Variants in MNAT1 observed in about 807,000 individuals in gnomAD.
The protein encoded by MNAT1 is CDK-activating kinase assembly factor MAT1.
MNAT1 carries 43 observed loss-of-function variants against 42.0 expected under a neutral mutation model. The observed-to-expected ratio is 1.02, with a 90% CI of 0.80 to 1.32. The LOEUF (loss-of-function observed/expected upper bound fraction) is 1.32, where lower values mean the gene tolerates loss of function less well. Ranked by LOEUF, MNAT1 falls within the 40% of genes most tolerant of loss-of-function variation. The pLI is 0.00. For synonymous variants in MNAT1, 118 were observed against 120.0 expected (o/e 0.98, Z 0.11); for missense variants, 306 against 350.4 (o/e 0.87, Z 1.01).
chr14:60,836,922 T>C (rs1164867536), intron 6 of MNAT1, among the ~76,000 whole-genome samples: 1 of 152,184 alleles, frequency 6.6e-6, no homozygotes, highest in Non-Finnish European at 1.5e-5. Flanking sequence ...TGCCTTTCTT[T>C]CAGAGATACC....
At chr14:60,960,415 A>G (rs1384184434) in intron 7 of MNAT1, among the ~76,000 whole-genome samples, 1 of 152,190 alleles carries the variant, frequency 6.6e-6, no homozygotes, top group Non-Finnish European at 1.5e-5. Flanking sequence ...TTAAATATTA[A>G]CATTTATTTT....
At chr14:60,940,080 G>C (rs772360693) in intron 7 of MNAT1, among the ~76,000 whole-genome samples, 7 of 152,052 alleles carry the variant, frequency 4.6e-5, no homozygotes, top group Non-Finnish European at 8.8e-5. Flanking sequence ...TTTTCCATTT[G>C]TTTGGTAGAT....
rs201950562 is a variant in MNAT1, at chr14:60,968,293, G to C, written c.874G>C (p.Ala292Pro). The C allele has an allele frequency of 7.4e-6, 12 of 1,613,834 alleles. No individual in the cohort carries two copies. The highest frequency in any genetic ancestry group is 4.0e-5 in the African/African-American group (3 of 74,900). The change falls in exon 8 of 8, where the codon GCT becomes CCT. Residue 292 changes from alanine to proline, a missense_variant. By Grantham distance (27) the Ala-to-Pro change is conservative. Around this residue, in one of 3 missense-constraint regions of MNAT1, gnomAD observed 116 missense variants for 139.6 expected, o/e 0.83. Coordinates refer to ENST00000261245, the MANE Select transcript of MNAT1 (RefSeq NM_002431.4). Reference sequence around the variant, plus strand: ...TGCTGGAGGCTATACTTCTTCTCTTGCTTGTCACAGAGCACTACAGGATGC... The same window carrying C: ...TGCTGGAGGCTATACTTCTTCTCTTCCTTGTCACAGAGCACTACAGGATGC... ...DLAGGYTSSL[A>P]CHRALQDAFS...
Position 60,968,265 on chromosome 14 carries a change from C to T in MNAT1, c.846C>T (p.Asp282=). 2 of 1,613,892 alleles carry T rather than the reference C, an allele frequency of 1.2e-6. No homozygotes were observed. The highest frequency in any genetic ancestry group is 8.5e-7 in the Non-Finnish European group (1 of 1,179,894). ...ATGTCAGAGCTGCCTCACCACAGGA[C>T]CTTGCTGGAGGCTATACTTCTTCTC... ...LNHVRAASPQ[D]LAGGYTSSLA... is the part of the protein sequence containing the mutation. The change falls in exon 8 of 8, where the codon GAC becomes GAT. Residue 282 remains aspartate, a synonymous_variant. Transcript: ENST00000261245.
rs1172649833 is a variant in MNAT1, at chr14:60,860,555, T to A, written c.688-19159T>A. ...TTTTTAGTAGAGACGGGGTTTGACC[T>A]TGTTAGCCAGGATGGTCTCCATCTC... On this transcript the variant is annotated intron_variant, in intron 6 of 7. Coordinates refer to ENST00000261245, the MANE Select transcript of MNAT1 (RefSeq NM_002431.4). 2.6e-5 allele frequency among the ~76,000 whole-genome samples: 4 copies of A among 151,974 alleles called. No homozygotes were observed. In the East Asian group the frequency reaches 5.8e-4, roughly 22 times the overall value.
At chr14:60,826,094 A>G (rs571906504) in intron 6 of MNAT1, among the ~76,000 whole-genome samples, 4 of 152,150 alleles carry the variant, frequency 2.6e-5, no homozygotes, top group Non-Finnish European at 1.5e-5. Context: ...ATATATTCAC[A>G]TAGGTAGGGT....
chr14:60,895,804 G>T (rs79558601), intron 7 of MNAT1, among the ~76,000 whole-genome samples: 1 of 152,008 alleles, frequency 6.6e-6, no homozygotes, highest in Non-Finnish European at 1.5e-5. Flanking sequence ...AAATCATCTC[G>T]TTTCCGTTTT....
chr14:60,838,817 C>T (rs1436374223), intron 6 of MNAT1, among the ~76,000 whole-genome samples: 1 of 152,148 alleles, frequency 6.6e-6, no homozygotes, highest in African/African-American at 2.4e-5. Context: ...GCTGCCTGGC[C>T]TTTTCCTGCT....
At chr14:60,913,419 C>G (rs1176793460) in intron 7 of MNAT1, among the ~76,000 whole-genome samples, 1 of 152,106 alleles carries the variant, frequency 6.6e-6, no homozygotes, top group African/African-American at 2.4e-5. Flanking sequence ...TTTAGAGTTT[C>G]CAGTTTTTCT....
intron 7 of MNAT1, among the ~76,000 whole-genome samples, chr14:60,909,497 T>A (rs952417347): frequency 2.0e-5 from 3 of 152,228 alleles, no homozygotes; most frequent in African/African-American, 4.8e-5. Flanking sequence ...AATTACTTTT[T>A]GTATAAGGTG....
chr14:60,857,588 A>G (rs1292945719), intron 6 of MNAT1, among the ~76,000 whole-genome samples: 3 of 152,048 alleles, frequency 2.0e-5, no homozygotes, highest in Non-Finnish European at 2.9e-5. Flanking sequence ...TTTTTTTATT[A>G]TTATACTTTA....
intron 1 of MNAT1, among the ~76,000 whole-genome samples, chr14:60,784,029 T>G (rs2031555186): frequency 6.6e-6 from 1 of 151,600 alleles, no homozygotes; most frequent in Admixed American, 6.6e-5. Context: ...TAATTTGAGA[T>G]GGAGTCTTGC....
At chr14:60,923,752 G>A (rs1045332754) in intron 7 of MNAT1, among the ~76,000 whole-genome samples, 2 of 152,170 alleles carry the variant, frequency 1.3e-5, no homozygotes, top group African/African-American at 4.8e-5. Context: ...GCTGAGGCAG[G>A]CGGATTACTT....
chr14:60,796,352 G>A lies in MNAT1; in HGVS notation c.225G>A (p.Arg75=). 2.5e-6 allele frequency: 4 copies of A among 1,610,510 alleles called. No homozygotes were observed. The highest frequency in any genetic ancestry group is 3.4e-6 in the Non-Finnish European group (4 of 1,178,760). The change falls in exon 2 of 8, where the codon AGG becomes AGA. Residue 75 remains arginine (R), a synonymous_variant. Coordinates refer to ENST00000261245, the MANE Select transcript of MNAT1 (RefSeq NM_002431.4). ...CTGTTGACAAGGAGGTTGAGATCAG[G>A]AAAAAAGTGCTAAAGATGTAAGTAT... ...DPTVDKEVEI[R]KKVLKIYNKR...
Position 60,929,168 on chromosome 14 carries a change from AAAATATATATATAT to A in MNAT1, c.810-39059_810-39046del, listed in dbSNP as rs1284094583. On this transcript the variant is annotated intron_variant, in intron 7 of 7. Transcript: ENST00000261245. ...TCTCCCAAAAAAAAAAAAAAAAAAAAAAATATATATATATATATATATATATGTATATTTATATT... is the reference window on the plus strand; with the variant it reads ...TCTCCCAAAAAAAAAAAAAAAAAAAAATATATATATATGTATATTTATATT... Among the ~76,000 whole-genome samples the A allele has an allele frequency of 1.3e-3, 116 of 86,116 alleles. No homozygotes were observed. In the East Asian group the frequency reaches 0.021, roughly 15 times the overall value. The allele number at this position is 86,116 out of a possible 152,430, so 56.5% of individuals were successfully genotyped here.
chr14:60,849,705 T>G (rs550265636), intron 6 of MNAT1, among the ~76,000 whole-genome samples: 1 of 152,314 alleles, frequency 6.6e-6, no homozygotes, highest in Non-Finnish European at 1.5e-5. Context: ...AGTATATGGC[T>G]GTAGATTCTA....
At position 60,849,317 on chromosome 14, in the gene MNAT1, T is replaced by C. The variant is rs575593583; in HGVS notation, c.688-30397T>C. ...GATACAAAACGTTCCTTCTTACAGA[T>C]CATTGCTTAACAATATATTTGGAGG... On this transcript the variant is annotated intron_variant, in intron 6 of 7. Transcript: ENST00000261245. Among the ~76,000 whole-genome samples the C allele has an allele frequency of 3.3e-5, 5 of 152,290 alleles. No homozygotes were observed. The South Asian group carries it at 8.3e-4, about 25-fold the overall frequency.
intron 6 of MNAT1, among the ~76,000 whole-genome samples, chr14:60,829,481 T>C (rs971522930): frequency 6.6e-6 from 1 of 152,178 alleles, no homozygotes; most frequent in African/African-American, 2.4e-5. Flanking sequence ...TTATGTAATA[T>C]TCTTTCCTTT....
chr14:60,911,160 C>G (rs573305185), intron 7 of MNAT1, among the ~76,000 whole-genome samples: 1 of 152,010 alleles, frequency 6.6e-6, no homozygotes, highest in East Asian at 1.9e-4. Context: ...TCTGTGGGAT[C>G]GGTGGTGATA....
Sources: gnomAD v4.1 joint callset for allele counts (sites outside exome capture counted in the v4.1 genomes callset) on GRCh38, gnomAD v4.1.1 for gene constraint, gnomAD v4.1.1 regional missense constraint, MANE v1.5 for transcripts, NCBI Gene and HGNC (gene_info 2026-07-23, HGNC 2026-07-21) for gene names.